Variants in CMTM1 observed in about 807,000 individuals in gnomAD.
The protein encoded by CMTM1 is CKLF-like MARVEL transmembrane domain-containing protein 1.
A neutral mutation model predicts 17.8 loss-of-function variants in CMTM1; 16 were observed. The observed-to-expected ratio is 0.90, with a 90% CI of 0.61 to 1.37. CMTM1 has a LOEUF of 1.37. Among genes scored for constraint, CMTM1 ranks in the 40% most tolerant of loss-of-function variants. CMTM1 has a pLI of 0.00. For synonymous variants in CMTM1, 169 were observed against 154.6 expected, an observed-to-expected ratio of 1.09 and a Z score of -0.69; for missense variants, 354 against 375.6, an observed-to-expected ratio of 0.94 and a Z score of 0.47.
rs373007977 is a variant in CMTM1, at chr16:66,577,121, C to A, written c.609C>A (p.Ile203=). The change falls in exon 3 of 4, where the codon ATC becomes ATA. Residue 203 remains isoleucine, a synonymous_variant. Transcript: ENST00000379500. The part of the protein sequence containing the change: ...HWPLLDLTNS[I]ITAVFLSVVA... Reference sequence around the variant, plus strand: ...TATTACAGGATCTTACCAACAGTATCATTACAGCTGTGTTCCTTTCAGTAG... The same window carrying A: ...TATTACAGGATCTTACCAACAGTATAATTACAGCTGTGTTCCTTTCAGTAG... 4.3e-6 allele frequency: 7 copies of A among 1,613,494 alleles called. No homozygotes were observed. Among genetic ancestry groups the A allele is most frequent in the Non-Finnish European group, 2.5e-6 (3 of 1,179,626 alleles).
At chr16:66,572,925 C>A (rs1428036073) in intron 2 of CMTM1, among the ~76,000 whole-genome samples, 3 of 152,154 alleles carry the variant, frequency 2.0e-5, no homozygotes, top group Admixed American at 1.3e-4. Context: ...AGGGAAGCCC[C>A]AAAGAGAACT....
rs374449700 is a variant in CMTM1 at position 66,579,046 on chromosome 16, T to C, written c.*45T>C. 36 of 1,598,006 alleles carry C rather than the reference T, an allele frequency of 2.3e-5. No individual in the cohort carries two copies. The African/African-American group carries it at 4.3e-4, about 19-fold the overall frequency. On this transcript the variant is annotated 3_prime_UTR_variant, in exon 4 of 4. Coordinates refer to ENST00000379500, the MANE Select transcript of CMTM1 (RefSeq NM_052999.4). This position sits in a 1 kb window ranked among gnomAD's most constrained non-coding sequence, Gnocchi z 6.5. ...CAGATGCACGTGTCTGTCGAATCGC[T>C]GCCTCCGAGCCCACCCCCGAGCTCG...
chr16:66,577,143 G>A lies in CMTM1; in HGVS notation c.631G>A (p.Val211Ile). The change falls in exon 3 of 4, where the codon GTA becomes ATA. Residue 211 changes from valine (V) to isoleucine (I), a missense_variant. Val to Ile is a conservative substitution (Grantham distance 29, BLOSUM62 3). Transcript: ENST00000379500. ...TATCATTACAGCTGTGTTCCTTTCA[G>A]TAGTTGCCATCTTGGCCATGCAAGA... The part of the protein sequence containing the change: ...NSIITAVFLS[V>I]VAILAMQEKK... 1 of 1,614,024 alleles carries A rather than the reference G, an allele frequency of 6.2e-7. No homozygotes were observed. Among genetic ancestry groups the A allele is most frequent in the South Asian group, 1.1e-5 (1 of 91,076 alleles).
intron 1 of CMTM1, chr16:66,567,525 A>G (rs951778448): frequency 2.5e-5 from 4 of 161,696 alleles, no homozygotes; most frequent in Non-Finnish European, 4.1e-5. Context: ...CATGGTGTAT[A>G]TGTGCCACAT....
intron 2 of CMTM1, among the ~76,000 whole-genome samples, chr16:66,571,726 C>T (rs915347724): frequency 1.3e-5 from 2 of 152,138 alleles, no homozygotes; most frequent in Non-Finnish European, 2.9e-5. Flanking sequence ...CTGATGGCTC[C>T]ACAGCACCAT....
chr16:66,574,244 A>G (rs1161585209), intron 2 of CMTM1, among the ~76,000 whole-genome samples: 1 of 152,220 alleles, frequency 6.6e-6, no homozygotes, highest in Non-Finnish European at 1.5e-5. Context: ...GGAAAGTGGA[A>G]GTCCTCCCAC....
At chr16:66,578,428 C>T (rs1192597609) in intron 3 of CMTM1, among the ~76,000 whole-genome samples, 1 of 152,114 alleles carries the variant, frequency 6.6e-6, no homozygotes, top group African/African-American at 2.4e-5. Flanking sequence ...CTTAGAGACC[C>T]TAGTCCAGTG....
rs756037366 is a variant in CMTM1 at position 66,578,986 on chromosome 16, G to T, written c.846G>T (p.Pro282=). The change falls in exon 4 of 4, where the codon CCG becomes CCT. Residue 282 remains proline (P), a synonymous_variant. Transcript: ENST00000379500. ...ACCCCGAAACCGGCCCCGACGCCCC[G>T]CAGAGGCCCGCCTGAAGCCAGCCCG... ...DAYPETGPDA[P]QRPA is the part of the protein sequence containing the mutation. 1.2e-6 allele frequency: 2 copies of T among 1,613,244 alleles called. No individual in the cohort carries two copies. The highest frequency in any genetic ancestry group is 1.7e-6 in the Non-Finnish European group (2 of 1,179,904).
intron 2 of CMTM1, chr16:66,575,259 C>T (rs905604865): frequency 5.2e-6 from 5 of 958,044 alleles, no homozygotes; most frequent in Admixed American, 1.2e-4. Flanking sequence ...TTTTGATGCA[C>T]TCCCACCAGC....
rs766357483 is a variant in CMTM1 at position 66,578,987 on chromosome 16, C to A, written c.847C>A (p.Gln283Lys). ...CCCCGAAACCGGCCCCGACGCCCCG[C>A]AGAGGCCCGCCTGAAGCCAGCCCGG... is the stretch of plus-strand genomic sequence containing the variant. Reference protein sequence around the residue: ...AYPETGPDAPQRPA With the variant: ...AYPETGPDAPKRPA The change falls in exon 4 of 4, where the codon CAG (glutamine) becomes AAG (lysine). Residue 283 changes from glutamine to lysine, a missense_variant. By Grantham distance (53) the Gln-to-Lys change is moderately conservative. Coordinates refer to ENST00000379500, the MANE Select transcript of CMTM1 (RefSeq NM_052999.4). The A allele has an allele frequency of 1.2e-6, 2 of 1,613,440 alleles. No homozygotes were observed. The highest frequency in any genetic ancestry group is 1.7e-6 in the Non-Finnish European group (2 of 1,179,926).
chr16:66,574,907 A>G (rs771228386), intron 2 of CMTM1: 20 of 966,090 alleles, frequency 2.1e-5, no homozygotes, highest in Non-Finnish European at 2.3e-5. Context: ...CCTTGTTCAC[A>G]TCTTTGACTA....
chr16:66,566,955 G>C lies in CMTM1; in HGVS notation c.432+10G>C. ...GAAGATCCTGAGACTGGTGAGCGGA[G>C]AGCTGGTGAGACCTAGCTGGGCGGA... On this transcript the variant is annotated intron_variant, in intron 1 of 3. Coordinates refer to ENST00000379500, the MANE Select transcript of CMTM1 (RefSeq NM_052999.4). The surrounding 1 kb of genome is among the most constrained non-coding windows in gnomAD (Gnocchi z 4.9). 6.2e-7 allele frequency: 1 copy of C among 1,614,078 alleles called. No individual in the cohort carries two copies. Among genetic ancestry groups the C allele is most frequent in the South Asian group, 1.1e-5 (1 of 91,078 alleles).
chr16:66,570,066 T>TG lies in CMTM1; in HGVS notation c.564dup (p.Leu189AlafsTer10), dbSNP rs2013266614. 1 of 1,604,130 alleles carries TG rather than the reference T, an allele frequency of 6.2e-7. No individual in the cohort carries two copies. The highest frequency in any genetic ancestry group is 1.3e-5 in the African/African-American group (1 of 74,182). Reference sequence around the variant, plus strand: ...ATATATGTGCTAACCCTTCACCACTTGCTGACCTATTTACATTGGCCCTTA... The same window carrying TG: ...ATATATGTGCTAACCCTTCACCACTTGGCTGACCTATTTACATTGGCCCTTA... On this transcript the variant is annotated frameshift_variant, in exon 2 of 4. Transcript: ENST00000379500. LOFTEE classifies it high-confidence loss of function.
chr16:66,568,883 C>CAA (rs60488761), intron 1 of CMTM1, among the ~76,000 whole-genome samples: 12 of 108,850 alleles, frequency 1.1e-4, no homozygotes, highest in African/African-American at 1.7e-4. Flanking sequence ...AAGACTGTCT[C>CAA]AAAAAAAAAA....
rs1240443465 is a variant in CMTM1, at chr16:66,576,155, G to T, written c.592-949G>T. 2.6e-5 allele frequency among the ~76,000 whole-genome samples: 4 copies of T among 152,190 alleles called. No homozygotes were observed. In the East Asian group the frequency reaches 7.7e-4, roughly 29 times the overall value. On this transcript the variant is annotated intron_variant, in intron 2 of 3. Transcript: ENST00000379500. The stretch of plus-strand genomic sequence containing the variant: ...CTCACGCCTATAATCCCAGCACTTT[G>T]GGAGGCCGAGGCGGGTGGATCACTT...
intron 2 of CMTM1, among the ~76,000 whole-genome samples, chr16:66,572,126 A>G (rs2013638231): frequency 6.6e-6 from 1 of 152,202 alleles, no homozygotes; most frequent in East Asian, 1.9e-4. Flanking sequence ...AGCATGGGCC[A>G]GACCTAGCAC....
intron 3 of CMTM1, 75 bp from the exon 4 acceptor site, chr16:66,578,756 T>G: frequency 6.4e-7 from 1 of 1,567,986 alleles, no homozygotes; most frequent in Non-Finnish European, 8.7e-7. Flanking sequence ...TGGATAGGGA[T>G]AGGTTCGAGA....
intron 1 of CMTM1, among the ~76,000 whole-genome samples, chr16:66,569,003 G>A (rs769953782): frequency 6.5e-4 from 99 of 152,004 alleles, no homozygotes; most frequent in Non-Finnish European, 2.5e-4. Context: ...CAGGTGACTC[G>A]TTATTGTGTT....
At chr16:66,568,124 T>C (rs1382756047) in intron 1 of CMTM1, among the ~76,000 whole-genome samples, 1 of 152,320 alleles carries the variant, frequency 6.6e-6, no homozygotes, top group East Asian at 1.9e-4. Flanking sequence ...ATAGGAAAAC[T>C]TGACTGAGTT....
Sources: allele counts gnomAD v4.1 joint callset (sites outside exome capture counted in the v4.1 genomes callset), GRCh38; gene constraint gnomAD v4.1.1; non-coding constraint Gnocchi (gnomAD v3.1); transcripts MANE v1.5; gene names NCBI Gene and HGNC (gene_info 2026-07-23, HGNC 2026-07-21).